AHDC1: variants seen among roughly 807,000 people sequenced by gnomAD.
The protein encoded by AHDC1 is transcription factor Gibbin.
Under a neutral mutation model 87.9 loss-of-function variants are expected in AHDC1, and 7 were observed. That is an observed-to-expected ratio of 0.08 (90% CI 0.05 to 0.15). The LOEUF (loss-of-function observed/expected upper bound fraction) is 0.15. Among genes scored for constraint, AHDC1 ranks in the 10% least tolerant of loss-of-function variants. AHDC1 has a pLI of 1.00. For missense variants in AHDC1, 1,841 were observed against 2,253.2 expected, an observed-to-expected ratio of 0.82 and a Z score of 3.70; for synonymous variants, 1,051 against 1,006.8, an observed-to-expected ratio of 1.04 and a Z score of -0.83.
chr1:27,602,257 C>G (rs2089549599), intron 3 of AHDC1, among the ~76,000 whole-genome samples: 1 of 151,980 alleles, frequency 6.6e-6, no homozygotes, highest in Non-Finnish European at 1.5e-5. Context: ...GTAGAGAATT[C>G]CCGCCCCCGC....
At chr1:27,541,973 G>A (rs569966390) in intron 8 of AHDC1, among the ~76,000 whole-genome samples, 1 of 152,220 alleles carries the variant, frequency 6.6e-6, no homozygotes, top group South Asian at 2.1e-4. Flanking sequence ...CAAGCCCTGT[G>A]GGGGCAGGGC....
chr1:27,598,248 G>A lies in AHDC1; in HGVS notation c.-629+5149C>T, dbSNP rs1215830543. Among the ~76,000 whole-genome samples, 2 of 152,252 alleles carry A rather than the reference G, an allele frequency of 1.3e-5. No individual in the cohort carries two copies. Among genetic ancestry groups the A allele is most frequent in the South Asian group, 2.1e-4 (1 of 4,836 alleles). ...CTGGGCTCCCAGGCCAAGGACCCCA[G>A]AGCAGAAGAGGAGAGAAAACAGGGC... On this transcript the variant is annotated intron_variant, in intron 3 of 8. Transcript: ENST00000673934. The surrounding 1 kb of genome is among the most constrained non-coding windows in gnomAD (Gnocchi z 4.2).
At chr1:27,584,970 C>T (rs529582267) in intron 3 of AHDC1, among the ~76,000 whole-genome samples, 5 of 152,122 alleles carry the variant, frequency 3.3e-5, no homozygotes, top group South Asian at 2.1e-4. Context: ...GTCAGGAGTT[C>T]GAGACCAGCC....
chr1:27,539,819 CCTT>C (rs1160993393), intron 8 of AHDC1, among the ~76,000 whole-genome samples: 4 of 152,196 alleles, frequency 2.6e-5, no homozygotes, highest in Non-Finnish European at 4.4e-5. Context: ...GCCATTCCCT[CCTT>C]AAGGTTCTTC....
At chr1:27,570,822 C>T (rs2020532585) in intron 3 of AHDC1, among the ~76,000 whole-genome samples, 1 of 152,102 alleles carries the variant, frequency 6.6e-6, no homozygotes, top group South Asian at 2.1e-4. Flanking sequence ...CAGCCCCTTG[C>T]CCCAGCTTCT....
chr1:27,551,753 C>G lies in AHDC1; in HGVS notation c.363G>C (p.Val121=). 1 of 1,613,666 alleles carries G rather than the reference C, an allele frequency of 6.2e-7. No individual in the cohort carries two copies. Among genetic ancestry groups the G allele is most frequent in the Non-Finnish European group, 8.5e-7 (1 of 1,179,912 alleles). The change falls in exon 8 of 9, where the codon GTG becomes GTC. Residue 121 remains valine (V), a synonymous_variant. Transcript: ENST00000673934. ...WDNGRVNLRP[V]VQLIDIMKDL... is the part of the protein sequence containing the mutation. ...CCTTCATGATGTCAATCAGCTGCAC[C>G]ACTGGTCGCAGGTTCACCCGCCCGT...
At chr1:27,581,132 G>A (rs183098884) in intron 3 of AHDC1, among the ~76,000 whole-genome samples, 26 of 151,998 alleles carry the variant, frequency 1.7e-4, no homozygotes, top group East Asian at 1.2e-3. Flanking sequence ...ACCACGTCCC[G>A]CCTGTTTTTG....
intron 3 of AHDC1, among the ~76,000 whole-genome samples, chr1:27,568,768 G>A: frequency 6.6e-6 from 1 of 151,790 alleles, no homozygotes; most frequent in East Asian, 1.9e-4. Flanking sequence ...CCTGCGGCGG[G>A]CCGGGCCGGG....
At chr1:27,576,482 T>C (rs2088754054) in intron 3 of AHDC1, among the ~76,000 whole-genome samples, 1 of 152,218 alleles carries the variant, frequency 6.6e-6, no homozygotes, top group Non-Finnish European at 1.5e-5. Context: ...CTAACTCAAT[T>C]ATAAGGCCTC....
intron 8 of AHDC1, among the ~76,000 whole-genome samples, chr1:27,542,263 C>T (rs1380918486): frequency 2.0e-5 from 3 of 152,202 alleles, no homozygotes; most frequent in African/African-American, 4.8e-5. Context: ...CTAGCTGAGC[C>T]GGGTCATTTT....
chr1:27,545,371 C>T (rs771987741), intron 8 of AHDC1, among the ~76,000 whole-genome samples: 11 of 152,024 alleles, frequency 7.2e-5, no homozygotes, highest in Non-Finnish European at 1.3e-4. Context: ...TAACTCACAG[C>T]CCTGAGTGGG....
In AHDC1 at chr1:27,565,847, G is replaced by T. The variant is rs546581242; in HGVS notation, c.-628-6964C>A. Among the ~76,000 whole-genome samples the T allele has an allele frequency of 1.3e-5, 2 of 152,326 alleles. No individual in the cohort carries two copies. Among genetic ancestry groups the T allele is most frequent in the South Asian group, 4.1e-4 (2 of 4,832 alleles). On this transcript the variant is annotated intron_variant, in intron 3 of 8. Transcript: ENST00000673934. The surrounding 1 kb of genome is among the most constrained non-coding windows in gnomAD (Gnocchi z 4.6). ...TCCTACCCTGGGCTAGTGGAAGGTA[G>T]ACTAGATGGATGGAGCCCATCCCCT... is the stretch of plus-strand genomic sequence containing the variant.
chr1:27,579,080 T>C (rs2088837600), intron 3 of AHDC1, among the ~76,000 whole-genome samples: 1 of 151,670 alleles, frequency 6.6e-6, no homozygotes, highest in African/African-American at 2.4e-5. Flanking sequence ...TGTCTGGCTT[T>C]GTCACTCAGG....
chr1:27,564,021 G>A (rs1158586669), intron 3 of AHDC1, among the ~76,000 whole-genome samples: 2 of 152,200 alleles, frequency 1.3e-5, no homozygotes, highest in Admixed American at 1.3e-4. Flanking sequence ...TCAGTGGGAA[G>A]AGTATGGGAT....
chr1:27,587,879 C>T (rs958879509), intron 3 of AHDC1, among the ~76,000 whole-genome samples: 1 of 152,304 alleles, frequency 6.6e-6, no homozygotes, highest in Admixed American at 6.5e-5. Context: ...ACTGGAACCC[C>T]ACTGATCCTT....
rs2020103192 is a variant in AHDC1, at chr1:27,561,901, G to A, written c.-628-3018C>T. 6.6e-6 allele frequency among the ~76,000 whole-genome samples: 1 copy of A among 152,076 alleles called. No individual in the cohort carries two copies. The highest frequency in any genetic ancestry group is 2.1e-4 in the South Asian group (1 of 4,826). ...ATGGAAGAAGGGAGATGGAGAGGAA[G>A]GTAGAGAGAGGCGGGTGAGACCTTG... is the stretch of plus-strand genomic sequence containing the variant. On this transcript the variant is annotated intron_variant, in intron 3 of 8. Transcript: ENST00000673934. This position sits in a 1 kb window ranked among gnomAD's most constrained non-coding sequence, Gnocchi z 4.2.
At chr1:27,589,696 G>A (rs1364756432) in intron 3 of AHDC1, among the ~76,000 whole-genome samples, 2 of 152,192 alleles carry the variant, frequency 1.3e-5, no homozygotes, top group Non-Finnish European at 1.5e-5. Flanking sequence ...GGATATGTGT[G>A]TGTCTGTATC....
chr1:27,576,630 AAC>A (rs983409613), intron 3 of AHDC1, among the ~76,000 whole-genome samples: 9 of 152,188 alleles, frequency 5.9e-5, no homozygotes, highest in Non-Finnish European at 4.4e-5. Context: ...TTAACCACTG[AAC>A]ACAGTGTTCA....
Position 27,552,145 on chromosome 1 carries a change from C to T in AHDC1, c.-30G>A, listed in dbSNP as rs1466488364. ...ACCTTGTCCTCCGCAGGCCGCCGGGCGGGGCCGGGGCTGACATGAGGGTGC... is the reference window on the plus strand; with the variant it reads ...ACCTTGTCCTCCGCAGGCCGCCGGGTGGGGCCGGGGCTGACATGAGGGTGC... On this transcript the variant is annotated 5_prime_UTR_variant, in exon 8 of 9. Transcript: ENST00000673934. 13 of 1,431,416 alleles carry T rather than the reference C, an allele frequency of 9.1e-6. No individual in the cohort carries two copies. The highest frequency in any genetic ancestry group is 2.9e-5 in the Admixed American group (1 of 34,580). The allele number at this position is 1,431,416 out of a possible 1,614,324, so 88.7% of individuals were successfully genotyped here.
Sources: allele counts gnomAD v4.1 joint callset (sites outside exome capture counted in the v4.1 genomes callset), GRCh38; gene constraint gnomAD v4.1.1; non-coding constraint Gnocchi (gnomAD v3.1); transcripts MANE v1.5; gene names NCBI Gene and HGNC (gene_info 2026-07-23, HGNC 2026-07-21).